The following MYCBP2 variants were observed in gnomAD, a reference collection of about 807,000 sequenced individuals.
The protein encoded by MYCBP2 is MYC binding protein 2.
Under a neutral mutation model 525.3 loss-of-function variants are expected in MYCBP2, and 120 were observed. The observed-to-expected ratio is 0.23, with a 90% CI of 0.20 to 0.27. MYCBP2 has a LOEUF of 0.27. MYCBP2 is among the 10% of genes least tolerant of loss of function. The pLI, the probability that MYCBP2 is intolerant of heterozygous loss-of-function variation, is 1.00. For missense variants in MYCBP2, 4,149 were observed against 5,657.1 expected (o/e 0.73, Z 8.55); for synonymous variants, 1,894 against 1,955.8 (o/e 0.97, Z 0.83).
chr13:77,045,538 T>A (rs777121433), intron 82 of MYCBP2, 45 bp from the exon 83 acceptor site: 1 of 1,194,242 alleles, frequency 8.4e-7, no homozygotes, highest in Non-Finnish European at 1.2e-6. Context: ...GTTTTAAGAA[T>A]ACACACATAT....
chr13:77,084,697 A>G (rs1047792090), intron 62 of MYCBP2, among the ~76,000 whole-genome samples: 1 of 152,156 alleles, frequency 6.6e-6, no homozygotes, highest in Admixed American at 6.6e-5. Context: ...CTAAAACTTC[A>G]GAACCCAGCT....
intron 30 of MYCBP2, among the ~76,000 whole-genome samples, chr13:77,188,162 T>A (rs910025499): frequency 1.3e-5 from 2 of 150,000 alleles, no homozygotes; most frequent in African/African-American, 4.9e-5. Context: ...GGGAGAAAAA[T>A]CTTTCATATA....
chr13:77,072,415 C>T (rs1008585014), intron 68 of MYCBP2, among the ~76,000 whole-genome samples: 12 of 151,172 alleles, frequency 7.9e-5, no homozygotes, highest in African/African-American at 2.7e-4. Context: ...TAATGTAGTG[C>T]TTAGAAGAAA....
At position 77,098,859 on chromosome 13, in the gene MYCBP2, A is replaced by G; in HGVS notation, c.8295T>C (p.Ser2765=). Residue 2765 remains serine (S), a synonymous_variant, in exon 56 of 83, where the codon TCT becomes TCC. Transcript: ENST00000544440. The part of the protein sequence containing the change: ...QKKPRGTESL[S]ASESLILKSD... Reference sequence around the variant, plus strand: ...ATTTTAAGATGAGGGATTCACTAGCAGATAAACTTTCTGTGCCCCTTGGCT... The same window carrying G: ...ATTTTAAGATGAGGGATTCACTAGCGGATAAACTTTCTGTGCCCCTTGGCT... 2 of 1,613,688 alleles carry G rather than the reference A, an allele frequency of 1.2e-6. No individual in the cohort carries two copies. Among genetic ancestry groups the G allele is most frequent in the Non-Finnish European group, 1.7e-6 (2 of 1,179,752 alleles).
At chr13:77,115,159 T>C (rs939481899) in intron 55 of MYCBP2, among the ~76,000 whole-genome samples, 2 of 151,896 alleles carry the variant, frequency 1.3e-5, no homozygotes, top group African/African-American at 4.8e-5. Flanking sequence ...CTACAGTCAA[T>C]AAACACTCCT....
chr13:77,194,300 A>G (rs533491956), intron 26 of MYCBP2, 56 bp from the exon 27 acceptor site: 1 of 1,289,024 alleles, frequency 7.8e-7, no homozygotes, highest in Non-Finnish European at 1.1e-6. Context: ...TATCTGATGA[A>G]CAATGTGTTC....
At chr13:77,324,933 C>T (rs2082112534) in intron 1 of MYCBP2, among the ~76,000 whole-genome samples, 1 of 152,192 alleles carries the variant, frequency 6.6e-6, no homozygotes, top group South Asian at 2.1e-4. Flanking sequence ...AAAATTATAC[C>T]TAATTATCAG....
chr13:77,194,314 A>ATT, intron 26 of MYCBP2, 70 bp from the exon 27 acceptor site: 1 of 1,173,430 alleles, frequency 8.5e-7, no homozygotes, highest in East Asian at 2.4e-5. Flanking sequence ...TGTGTTCATA[A>ATT]TTTTGTGCAT....
chr13:77,289,053 T>C (rs1358672672), intron 2 of MYCBP2, among the ~76,000 whole-genome samples: 1 of 152,098 alleles, frequency 6.6e-6, no homozygotes, highest in Non-Finnish European at 1.5e-5. Flanking sequence ...ATATTATAAA[T>C]ATAAAAAGCT....
At chr13:77,121,837 T>C (rs1351026119) in intron 54 of MYCBP2, among the ~76,000 whole-genome samples, 1 of 152,100 alleles carries the variant, frequency 6.6e-6, no homozygotes, top group Non-Finnish European at 1.5e-5. Flanking sequence ...CAAGAGTATT[T>C]TGCAAAACAA....
In MYCBP2 at chr13:77,156,078, C is replaced by T. The variant is rs2057180201; in HGVS notation, c.6895G>A (p.Val2299Ile). 6.2e-7 allele frequency: 1 copy of T among 1,613,102 alleles called. No individual in the cohort carries two copies. The highest frequency in any genetic ancestry group is 1.1e-5 in the South Asian group (1 of 91,012). ...ATTACCTTCATATTGGGAACATGTA[C>T]CACATCCCCATACTGGTCTTTTGTT... is the stretch of plus-strand genomic sequence containing the variant. ...VQTKDQYGDV[V>I]HVPNMKVEVK... is the part of the protein sequence containing the mutation. The change falls in exon 46 of 83, where the codon GTA (valine) becomes ATA (isoleucine). Residue 2299 changes from valine to isoleucine, a missense_variant. Physicochemically the swap from Val to Ile is conservative, Grantham distance 29 (BLOSUM62 3). This residue lies in a region of MYCBP2 where 692 missense variants were observed against 852.7 expected (regional missense o/e 0.81). Transcript: ENST00000544440.
At position 77,243,929 on chromosome 13, in the gene MYCBP2, C is replaced by T; in HGVS notation, c.2404G>A (p.Glu802Lys). ...CATCCACACACAGCACAACCAGATT[C>T]TCCGGAACCACAACCACAGATCCTA... ...PGGICGCGSG[E>K]SGCAVCGCCK... The change falls in exon 16 of 83, where the codon GAA becomes AAA. Residue 802 changes from glutamate to lysine, a missense_variant. Around this residue, in one of 21 missense-constraint regions of MYCBP2, gnomAD observed 620 missense variants for 795.5 expected, o/e 0.78. Coordinates refer to ENST00000544440, the MANE Select transcript of MYCBP2 (RefSeq NM_015057.5). 6.3e-7 allele frequency: 1 copy of T among 1,575,480 alleles called. No individual in the cohort carries two copies. Among genetic ancestry groups the T allele is most frequent in the South Asian group, 1.2e-5 (1 of 84,832 alleles).
intron 82 of MYCBP2, among the ~76,000 whole-genome samples, chr13:77,049,086 C>T (rs556440020): frequency 1.3e-5 from 2 of 152,224 alleles, no homozygotes; most frequent in South Asian, 4.2e-4. Flanking sequence ...CAACCTACAA[C>T]TTTCATTCAA....
intron 52 of MYCBP2, among the ~76,000 whole-genome samples, chr13:77,131,710 TATACGA>T (rs2052892935): frequency 6.6e-6 from 1 of 152,192 alleles, no homozygotes; most frequent in Admixed American, 6.5e-5. Context: ...TGCATGTGTA[TATACGA>T]ACACACATAT....
In MYCBP2 at chr13:77,140,961, G is replaced by T; in HGVS notation, c.7304-18C>A. Reference sequence around the variant, plus strand: ...ACCAGCATCTGTCAGAAAAATCAGAGAACTGTAACATTTGAGAAAAAAAGA... The same window carrying T: ...ACCAGCATCTGTCAGAAAAATCAGATAACTGTAACATTTGAGAAAAAAAGA... On this transcript the variant is annotated intron_variant, in intron 49 of 82. Transcript: ENST00000544440. 1.3e-6 allele frequency: 2 copies of T among 1,543,336 alleles called. No individual in the cohort carries two copies. The highest frequency in any genetic ancestry group is 2.3e-5 in the South Asian group (2 of 85,568).
At chr13:77,257,573 C>A in intron 14 of MYCBP2, 98 bp downstream of exon 14, 1 of 1,188,852 alleles carries the variant, frequency 8.4e-7, no homozygotes, top group Non-Finnish European at 1.1e-6. Flanking sequence ...AAAAGAAGAG[C>A]CACTCATTTT....
chr13:77,058,135 C>T lies in MYCBP2; in HGVS notation c.13329+83G>A, dbSNP rs563649620. 28 of 1,480,368 alleles carry T rather than the reference C, an allele frequency of 1.9e-5. 1 individual carries two copies. In the South Asian group the frequency reaches 2.8e-4, roughly 15 times the overall value. The allele number at this position is 1,480,368 out of a possible 1,614,324, so 91.7% of individuals were successfully genotyped here. ...GATTACAGGCATGAGCCACTGCGCC[C>T]GGCCTCAATCAATGTTTATTTGACA... is the stretch of plus-strand genomic sequence containing the variant. On this transcript the variant is annotated intron_variant, in intron 78 of 82. Coordinates refer to ENST00000544440, the MANE Select transcript of MYCBP2 (RefSeq NM_015057.5). This position sits in a 1 kb window ranked among gnomAD's most constrained non-coding sequence, Gnocchi z 4.1.
At chr13:77,314,856 G>A (rs150112063) in intron 1 of MYCBP2, among the ~76,000 whole-genome samples, 4 of 152,174 alleles carry the variant, frequency 2.6e-5, no homozygotes, top group East Asian at 1.9e-4. Flanking sequence ...ATGCGTGAGT[G>A]GGGGAAAGGG....
intron 55 of MYCBP2, among the ~76,000 whole-genome samples, chr13:77,111,531 T>A (rs2048820531): frequency 6.6e-6 from 1 of 151,720 alleles, no homozygotes; most frequent in African/African-American, 2.4e-5. Context: ...ATCCTCCTGC[T>A]TCAGCCTCCC....
Sources: allele counts gnomAD v4.1 joint callset (sites outside exome capture counted in the v4.1 genomes callset), GRCh38; gene constraint gnomAD v4.1.1; regional missense constraint gnomAD v4.1.1; non-coding constraint Gnocchi (gnomAD v3.1); transcripts MANE v1.5; gene names NCBI Gene and HGNC (gene_info 2026-07-23, HGNC 2026-07-21).